Variants in SNX18 observed in about 807,000 individuals in gnomAD.
SNX18 encodes sorting nexin 18, also known as sorting nexin-18.
Under a neutral mutation model 48.7 loss-of-function variants are expected in SNX18, and 35 were observed. The ratio of observed to expected loss-of-function variants is 0.72; its 90% CI spans 0.55 to 0.95. The LOEUF (loss-of-function observed/expected upper bound fraction) is 0.95, where lower values mean the gene tolerates loss of function less well. Among genes scored for constraint, SNX18 ranks in the 40% least tolerant of loss-of-function variants. The probability of loss-of-function intolerance (pLI) is 0.00; values close to 1 mark genes in which losing one functional copy is unlikely to be tolerated. For synonymous variants in SNX18, 492 were observed against 384.7 expected (o/e 1.28, Z -3.26); for missense variants, 824 against 871.0 (o/e 0.95, Z 0.68).
At chr5:54,586,735 T>C in the SNX18 span, among the ~76,000 whole-genome samples, 1 of 152,170 alleles carries the variant, frequency 6.6e-6, no homozygotes, top group South Asian at 2.1e-4. Flanking sequence ...AATTTCAACA[T>C]GAGTTTTAGA....
Position 54,519,587 on chromosome 5 carries a change from CT to C in SNX18, c.1621+16del. ...ACGTTCAGAAAGGTAAAGCCTGGCC[CT>C]TAGAGCAGGTGATATGGAGTGTATT... On this transcript the variant is annotated intron_variant, in intron 1 of 1. Transcript: ENST00000381410. 6.2e-7 allele frequency: 1 copy of C among 1,614,202 alleles called. No individual in the cohort carries two copies.
At chr5:54,543,042 C>A in intron 1 of SNX18, 137 bp from the exon 2 acceptor site, 2 of 783,748 alleles carry the variant, frequency 2.6e-6, no homozygotes, top group South Asian at 2.6e-5. Flanking sequence ...AATTATGGTC[C>A]TCACTTTAAA....
At chr5:54,557,667 A>G in the SNX18 span, among the ~76,000 whole-genome samples, 2,498 of 152,322 alleles carry the variant, frequency 0.016, 54 homozygotes, top group African/African-American at 0.056. Context: ...TCAGAGTTTC[A>G]GTTTTGTAAG....
the SNX18 span, among the ~76,000 whole-genome samples, chr5:54,580,157 A>G: frequency 6.6e-6 from 1 of 152,068 alleles, no homozygotes; most frequent in Admixed American, 6.6e-5. Context: ...GCTCCTAGTT[A>G]AGCACTTCCT....
At chr5:54,630,659 C>T in the SNX18 span, among the ~76,000 whole-genome samples, 1 of 152,118 alleles carries the variant, frequency 6.6e-6, no homozygotes, top group South Asian at 2.1e-4. Flanking sequence ...CATGGTGAAA[C>T]CCTGTCTCTA....
chr5:54,618,397 C>A, the SNX18 span, among the ~76,000 whole-genome samples: 1 of 152,208 alleles, frequency 6.6e-6, no homozygotes, highest in South Asian at 2.1e-4. Context: ...TGAAGTTTCA[C>A]AAAGGTAGAA....
At chr5:54,520,948 T>C (rs539427813) in intron 1 of SNX18, 2 of 167,246 alleles carry the variant, frequency 1.2e-5, no homozygotes, top group African/African-American at 4.8e-5. Context: ...TAATATTGAA[T>C]TCGTTTTTTG....
the SNX18 span, among the ~76,000 whole-genome samples, chr5:54,578,782 C>T: frequency 6.6e-6 from 1 of 152,180 alleles, no homozygotes; most frequent in African/African-American, 2.4e-5. Context: ...TTTCCCTTCA[C>T]TTCTGTGAGC....
At chr5:54,640,216 T>TTC in the SNX18 span, among the ~76,000 whole-genome samples, 1 of 151,474 alleles carries the variant, frequency 6.6e-6, no homozygotes. Flanking sequence ...GATTCTTTTT[T>TTC]TTTTTTTCTT....
At chr5:54,552,637 A>G in the SNX18 span, among the ~76,000 whole-genome samples, 1 of 152,146 alleles carries the variant, frequency 6.6e-6, no homozygotes, top group Non-Finnish European at 1.5e-5. Flanking sequence ...CGGTGGAGAC[A>G]TCCTGGACGC....
chr5:54,588,748 T>C, the SNX18 span, among the ~76,000 whole-genome samples: 1 of 152,214 alleles, frequency 6.6e-6, no homozygotes, highest in Non-Finnish European at 1.5e-5. Context: ...TTTACTTGCA[T>C]TTTATCAGAC....
the SNX18 span, among the ~76,000 whole-genome samples, chr5:54,614,082 A>G: frequency 1.3e-5 from 2 of 152,250 alleles, no homozygotes; most frequent in African/African-American, 4.8e-5. Flanking sequence ...CTTCATTAGC[A>G]AAAGAAATGT....
At chr5:54,587,621 A>G in the SNX18 span, among the ~76,000 whole-genome samples, 1 of 152,136 alleles carries the variant, frequency 6.6e-6, no homozygotes. Context: ...CAGTGTTCCA[A>G]TCCCTTCTAC....
chr5:54,541,259 C>T (rs1762465060), intron 1 of SNX18, among the ~76,000 whole-genome samples: 1 of 152,072 alleles, frequency 6.6e-6, no homozygotes, highest in Admixed American at 6.5e-5. Context: ...ATCTCCTGAC[C>T]TCAGGTGATC....
chr5:54,595,409 G>T, the SNX18 span, among the ~76,000 whole-genome samples: 3 of 151,850 alleles, frequency 2.0e-5, no homozygotes, highest in African/African-American at 7.3e-5. Flanking sequence ...CTAATTTTTT[G>T]TATTTTTAGT....
At chr5:54,618,913 CATA>C in the SNX18 span, among the ~76,000 whole-genome samples, 1 of 151,430 alleles carries the variant, frequency 6.6e-6, no homozygotes, top group African/African-American at 2.4e-5. Context: ...AAAGCATAAG[CATA>C]ATAAATTCGA....
the SNX18 span, among the ~76,000 whole-genome samples, chr5:54,608,524 C>A: frequency 6.6e-6 from 1 of 152,152 alleles, no homozygotes; most frequent in African/African-American, 2.4e-5. Flanking sequence ...GCATAAGGCA[C>A]CACACCCAGC....
the SNX18 span, among the ~76,000 whole-genome samples, chr5:54,633,621 C>G: frequency 6.6e-6 from 1 of 152,166 alleles, no homozygotes; most frequent in Non-Finnish European, 1.5e-5. Context: ...TATTATATAC[C>G]TCATAGGTAC....
intron 1 of SNX18, among the ~76,000 whole-genome samples, chr5:54,541,898 T>C (rs1762477800): frequency 6.6e-6 from 1 of 152,222 alleles, no homozygotes; most frequent in Non-Finnish European, 1.5e-5. Context: ...ATAGGGCATC[T>C]TCCCTTGTAT....
Sources: gnomAD v4.1 joint callset for allele counts (sites outside exome capture counted in the v4.1 genomes callset) on GRCh38, gnomAD v4.1.1 for gene constraint, MANE v1.5 for transcripts, NCBI Gene and HGNC (gene_info 2026-07-23, HGNC 2026-07-21) for gene names.